HDAC9: variants seen among roughly 807,000 people sequenced by gnomAD.
HDAC9 encodes the protein histone deacetylase 9.
Under a neutral mutation model 139.4 loss-of-function variants are expected in HDAC9, and 41 were observed. The observed-to-expected ratio is 0.29, with a 90% CI of 0.23 to 0.38. HDAC9 has a LOEUF of 0.38. HDAC9 is among the 10% of genes least tolerant of loss of function. HDAC9 has a pLI of 1.00. For synonymous variants in HDAC9, 517 were observed against 476.2 expected (o/e 1.09, Z -1.12); for missense variants, 1,147 against 1,297.0 (o/e 0.88, Z 1.78).
intron 23 of HDAC9, among the ~76,000 whole-genome samples, chr7:18,936,426 C>G (rs181648738): frequency 1.3e-5 from 2 of 152,134 alleles, no homozygotes; most frequent in Non-Finnish European, 2.9e-5. Flanking sequence ...CAAAGTCATG[C>G]AGTCAGAATG....
rs140177978 is a variant in HDAC9 at position 18,956,124 on chromosome 7, G to A, written c.3022+1894G>A. Among the ~76,000 whole-genome samples the A allele has an allele frequency of 6.2e-3, 938 of 152,082 alleles. 12 individuals are homozygous for A. The highest frequency in any genetic ancestry group is 0.021 in the African/African-American group (876 of 41,522). ...AATCTACTATCAAAACTTGCTGTAGGAGTATCCTGCCACTAAGGATTGTCA... is the reference window on the plus strand; with the variant it reads ...AATCTACTATCAAAACTTGCTGTAGAAGTATCCTGCCACTAAGGATTGTCA... On this transcript the variant is annotated intron_variant, in intron 24 of 25. Transcript: ENST00000686413.
chr7:18,396,702 T>C (rs1585610319), intron 1 of HDAC9, among the ~76,000 whole-genome samples: 1 of 152,078 alleles, frequency 6.6e-6, no homozygotes, highest in East Asian at 1.9e-4. Flanking sequence ...AAATTCCAGG[T>C]TTCTAATCAG....
rs1036592223 is a variant in HDAC9 at position 18,592,886 on chromosome 7, G to A, written c.543-1022G>A. 2.0e-4 allele frequency among the ~76,000 whole-genome samples: 30 copies of A among 152,072 alleles called. 1 individual carries two copies. The highest frequency in any genetic ancestry group is 1.5e-5 in the Non-Finnish European group (1 of 67,976). On this transcript the variant is annotated intron_variant, in intron 5 of 25. Coordinates refer to ENST00000686413, the MANE Select transcript of HDAC9 (RefSeq NM_178425.4). ...AATTCATAATTCAAAATTAAAGTCT[G>A]TTCTAAGAAAAGATAATAGCATTAA... is the stretch of plus-strand genomic sequence containing the variant.
At chr7:18,855,079 A>G (rs1346973225) in intron 21 of HDAC9, among the ~76,000 whole-genome samples, 1 of 152,170 alleles carries the variant, frequency 6.6e-6, no homozygotes, top group Non-Finnish European at 1.5e-5. Context: ...AATTAGCTAG[A>G]AGGCGTCCCT....
At chr7:18,133,642 T>C (rs1187727397) in intron 1 of HDAC9, among the ~76,000 whole-genome samples, 3 of 152,152 alleles carry the variant, frequency 2.0e-5, no homozygotes, top group African/African-American at 7.2e-5. Flanking sequence ...TTTAAATGAC[T>C]TAATGGGCTC....
chr7:18,120,750 C>G (rs1408858946), intron 1 of HDAC9, among the ~76,000 whole-genome samples: 2 of 152,148 alleles, frequency 1.3e-5, no homozygotes, highest in African/African-American at 2.4e-5. Flanking sequence ...TAGTGTTGCT[C>G]ATACATATGC....
chr7:18,568,384 A>G (rs971828940), intron 2 of HDAC9, among the ~76,000 whole-genome samples: 1 of 152,214 alleles, frequency 6.6e-6, no homozygotes, highest in African/African-American at 2.4e-5. Context: ...TCTAGTGCTC[A>G]TTATTCTCGT....
chr7:18,766,740 C>A (rs1454688010), intron 15 of HDAC9, among the ~76,000 whole-genome samples: 1 of 152,078 alleles, frequency 6.6e-6, no homozygotes, highest in African/African-American at 2.4e-5. Context: ...TGAATATACT[C>A]AGTGAAGAGC....
chr7:18,273,056 G>GTTTTTTTTTTTTT (rs746089054), intron 2 of HDAC9, among the ~76,000 whole-genome samples: 2 of 84,774 alleles, frequency 2.4e-5, no homozygotes, highest in Non-Finnish European at 4.3e-5. Context: ...CCCCTTCTTC[G>GTTTTTTTTTTTTT]TTTTTTTTTT....
chr7:18,782,954 A>G (rs1791376426), intron 16 of HDAC9, among the ~76,000 whole-genome samples: 1 of 152,130 alleles, frequency 6.6e-6, no homozygotes, highest in African/African-American at 2.4e-5. Context: ...GTGCCATTGC[A>G]CCAAATGTCA....
At chr7:18,462,809 C>G (rs998671015) in intron 1 of HDAC9, among the ~76,000 whole-genome samples, 3 of 151,858 alleles carry the variant, frequency 2.0e-5, no homozygotes, top group African/African-American at 7.2e-5. Flanking sequence ...TTAGGTGTGT[C>G]CAGTTTTGAT....
intron 6 of HDAC9, among the ~76,000 whole-genome samples, chr7:18,625,464 T>C (rs1039860760): frequency 2.0e-5 from 3 of 152,192 alleles, no homozygotes; most frequent in Non-Finnish European, 4.4e-5. Flanking sequence ...CTGTGCTTTG[T>C]AGGATGTTTG....
intron 2 of HDAC9, among the ~76,000 whole-genome samples, chr7:18,273,022 C>G (rs1219581856): frequency 6.8e-6 from 1 of 147,180 alleles, no homozygotes; most frequent in Non-Finnish European, 1.5e-5. Context: ...TCCTCCTCCT[C>G]CTCCTCTTCC....
Position 18,256,252 on chromosome 7 carries a change from A to G in HDAC9, c.25+93903A>G, listed in dbSNP as rs577431644. Among the ~76,000 whole-genome samples, 5 of 152,304 alleles carry G rather than the reference A, an allele frequency of 3.3e-5. 1 individual carries two copies. Among genetic ancestry groups the G allele is most frequent in the Admixed American group, 3.3e-4 (5 of 15,288 alleles). On this transcript the variant is annotated intron_variant, in intron 2 of 12. Coordinates refer to the HDAC9 transcript ENST00000417496. ...TAATATTGATTCTGACTACGTGGAA[A>G]GTGGGGTGGTAGGTGAAGTGAGGAA... is the stretch of plus-strand genomic sequence containing the variant.
chr7:18,531,365 A>G (rs1433675323), intron 2 of HDAC9, among the ~76,000 whole-genome samples: 1 of 152,140 alleles, frequency 6.6e-6, no homozygotes, highest in Non-Finnish European at 1.5e-5. Context: ...TCTTTTACTT[A>G]AGAAAATAAG....
intron 6 of HDAC9, among the ~76,000 whole-genome samples, chr7:18,619,202 C>G (rs560003540): frequency 2.3e-4 from 35 of 152,106 alleles, no homozygotes; most frequent in Non-Finnish European, 4.1e-4. Context: ...AGAGAAATTC[C>G]TTCTGCATTC....
intron 1 of HDAC9, among the ~76,000 whole-genome samples, chr7:18,423,529 A>C (rs1789836403): frequency 2.0e-5 from 3 of 152,246 alleles, no homozygotes; most frequent in African/African-American, 7.2e-5. Context: ...TCCCCACAAC[A>C]TAGTGACATA....
chr7:18,683,105 C>A (rs1214540994), intron 12 of HDAC9, among the ~76,000 whole-genome samples: 1 of 142,824 alleles, frequency 7.0e-6, no homozygotes, highest in Non-Finnish European at 1.5e-5. Flanking sequence ...AAATTCTGAA[C>A]TTTTCTTTTT....
rs575086224 is a variant in HDAC9, at chr7:18,173,765, T to A, written c.25+11416T>A. ...ATTCTTTTCTTTAAGAATGTTGAAT[T>A]TTGGCCCCCACTCTCTTCTGGCTTG... On this transcript the variant is annotated intron_variant, in intron 2 of 12. Transcript: ENST00000417496. Among the ~76,000 whole-genome samples, 35 of 152,278 alleles carry A rather than the reference T, an allele frequency of 2.3e-4. No homozygotes were observed. The South Asian group carries it at 3.7e-3, about 16-fold the overall frequency.
Sources: gnomAD v4.1 joint callset for allele counts (sites outside exome capture counted in the v4.1 genomes callset) on GRCh38, gnomAD v4.1.1 for gene constraint, MANE v1.5 for transcripts, NCBI Gene and HGNC (gene_info 2026-07-23, HGNC 2026-07-21) for gene names.